The following ARHGAP6 variants were observed in gnomAD, a reference collection of about 807,000 sequenced individuals.
The protein encoded by ARHGAP6 is rho GTPase-activating protein 6.
A neutral mutation model predicts 55.7 loss-of-function variants in ARHGAP6; 16 were observed. The ratio of observed to expected loss-of-function variants is 0.29; its 90% CI spans 0.19 to 0.44. ARHGAP6 has a LOEUF of 0.44. Ranked by LOEUF, ARHGAP6 falls within the 20% of genes least tolerant of loss-of-function variation. ARHGAP6 has a pLI of 1.00. For synonymous variants in ARHGAP6, 382 were observed against 360.9 expected (o/e 1.06, Z -0.66); for missense variants, 698 against 808.9 (o/e 0.86, Z 1.66).
At chrX:11,639,309 C>G (rs150362828) in intron 1 of ARHGAP6, among the ~76,000 whole-genome samples, 1,311 of 110,789 alleles carry the variant, frequency 0.012, 7 homozygotes, top group Non-Finnish European at 0.019. Flanking sequence ...GTTTGCTGCA[C>G]CCATCAACTT....
At chrX:11,277,284 T>C (rs2047785313) in intron 1 of ARHGAP6, among the ~76,000 whole-genome samples, 2 of 111,572 alleles carry the variant, frequency 1.8e-5, no homozygotes, top group African/African-American at 3.3e-5. Context: ...CTTCAGTTGA[T>C]GGGCATTTGG....
chrX:11,560,887 T>C (rs1378491013), intron 1 of ARHGAP6, among the ~76,000 whole-genome samples: 1 of 112,237 alleles, frequency 8.9e-6, no homozygotes, highest in African/African-American at 3.2e-5. Flanking sequence ...TACCCATCAA[T>C]CAAATAACAG....
At chrX:11,522,968 C>T (rs766864329) in intron 1 of ARHGAP6, among the ~76,000 whole-genome samples, 7 of 111,465 alleles carry the variant, frequency 6.3e-5, no homozygotes, top group African/African-American at 9.8e-5. Flanking sequence ...TGATGAACAT[C>T]GATGCAAAAA....
chrX:11,146,229 G>C lies in ARHGAP6; in HGVS notation c.1908-1981C>G, dbSNP rs191887116. 1.3e-4 allele frequency among the ~76,000 whole-genome samples: 15 copies of C among 112,507 alleles called. No individual in the cohort carries two copies. In the East Asian group the frequency reaches 3.6e-3, roughly 27 times the overall value. On this transcript the variant is annotated intron_variant, in intron 10 of 12. Transcript: ENST00000337414. Reference sequence around the variant, plus strand: ...GGATCAGAACATTTTGAAGTGAAAGGGGGGTAGGAAGTACCAGTGTAGTGT... The same window carrying C: ...GGATCAGAACATTTTGAAGTGAAAGCGGGGTAGGAAGTACCAGTGTAGTGT...
At chrX:11,474,969 A>G (rs892668391) in intron 1 of ARHGAP6, among the ~76,000 whole-genome samples, 5 of 111,273 alleles carry the variant, frequency 4.5e-5, no homozygotes, top group African/African-American at 1.6e-4. Context: ...GACACAGCAC[A>G]GAAGCCCATA....
At chrX:11,143,717 C>A in intron 11 of ARHGAP6, 1 of 1,096,086 alleles carries the variant, frequency 9.1e-7, no homozygotes, top group South Asian at 2.7e-5. Context: ...GGAGTGGCTC[C>A]TCTGGGCATG....
chrX:11,427,445 C>G, intron 1 of ARHGAP6: 5 of 879,497 alleles, frequency 5.7e-6, no homozygotes, highest in Non-Finnish European at 7.1e-6. Context: ...CCCCCTCAGC[C>G]GTGGACCTGT....
chrX:11,358,896 T>C (rs1487161184), intron 1 of ARHGAP6, among the ~76,000 whole-genome samples: 3 of 112,199 alleles, frequency 2.7e-5, no homozygotes, highest in African/African-American at 9.7e-5. Context: ...ATTGGTTTGG[T>C]ATATTTTATT....
At chrX:11,389,384 C>T (rs1397222160) in intron 1 of ARHGAP6, among the ~76,000 whole-genome samples, 1 of 112,378 alleles carries the variant, frequency 8.9e-6, no homozygotes, top group Non-Finnish European at 1.9e-5. Flanking sequence ...ACAAAAAAGC[C>T]TCTTACAGAA....
chrX:11,562,505 C>T (rs1387348981), intron 1 of ARHGAP6, among the ~76,000 whole-genome samples: 3 of 111,654 alleles, frequency 2.7e-5, no homozygotes, highest in Admixed American at 9.5e-5. Flanking sequence ...GGATTTGTTT[C>T]TTTTAAAAAT....
intron 1 of ARHGAP6, among the ~76,000 whole-genome samples, chrX:11,391,434 G>T (rs775552168): frequency 9.1e-6 from 1 of 109,568 alleles, no homozygotes; most frequent in South Asian, 4.0e-4. Flanking sequence ...TGCACGTTGT[G>T]CACATGTACC....
intron 1 of ARHGAP6, among the ~76,000 whole-genome samples, chrX:11,496,848 A>T (rs999076644): frequency 1.8e-5 from 2 of 112,070 alleles, no homozygotes; most frequent in African/African-American, 3.2e-5. Flanking sequence ...CAATAGAGGA[A>T]TATCCCAGAG....
At chrX:11,311,059 G>A (rs1013518196) in intron 1 of ARHGAP6, among the ~76,000 whole-genome samples, 9 of 111,381 alleles carry the variant, frequency 8.1e-5, no homozygotes, top group Middle Eastern at 4.6e-3. Context: ...TGCCTTTTTC[G>A]CAGGGAAAGG....
chrX:11,175,062 A>C (rs978905412), intron 8 of ARHGAP6, among the ~76,000 whole-genome samples: 2 of 111,596 alleles, frequency 1.8e-5, no homozygotes, highest in South Asian at 7.5e-4. Context: ...TTGATACAAA[A>C]GCCTCCTAAC....
rs1423517668 is a variant in ARHGAP6, at chrX:11,254,572, T to C, written c.724A>G (p.Ser242Gly). The C allele has an allele frequency of 8.3e-7, 1 of 1,207,773 alleles. No homozygotes were observed. The highest frequency in any genetic ancestry group is 1.8e-5 in the South Asian group (1 of 56,570). ...FYQLQQDCDL[S>G]CQITIPKDGQ... ...CCTTTGGGAATGGTGATCTGACAGC[T>C]CAGGTCACAGTCCTGTTGCAACTGA... Residue 242 changes from serine to glycine, a missense_variant, in exon 2 of 13, where the codon AGC becomes GGC. This residue lies in a region of ARHGAP6 where 322 missense variants were observed against 451.1 expected (regional missense o/e 0.71). Coordinates refer to ENST00000337414, the MANE Select transcript of ARHGAP6 (RefSeq NM_013427.3).
intron 1 of ARHGAP6, among the ~76,000 whole-genome samples, chrX:11,443,710 C>G (rs1400882843): frequency 8.9e-6 from 1 of 111,991 alleles, no homozygotes; most frequent in African/African-American, 3.2e-5. Flanking sequence ...GGGTGGATCA[C>G]GAGGTCAGGA....
Position 11,202,799 on chromosome X carries a change from CAAAAAAAAAAAAAAAAAA to C in ARHGAP6, c.749-5821_749-5804del, listed in dbSNP as rs776633959. ...TGGGTGACAGAGCAAGACTCCGTCT[CAAAAAAAAAAAAAAAAAA>C]AAAAAAAAAAAAGAACTGACTGAGT... On this transcript the variant is annotated intron_variant, in intron 2 of 12. Coordinates refer to ENST00000337414, the MANE Select transcript of ARHGAP6 (RefSeq NM_013427.3). Among the ~76,000 whole-genome samples the C allele has an allele frequency of 3.2e-4, 3 of 9,451 alleles. No homozygotes were observed. In the Admixed American group the frequency reaches 6.6e-3, roughly 21 times the overall value. 8.2% of individuals were successfully genotyped at this position (9,451 alleles called of 115,157 possible).
intron 1 of ARHGAP6, among the ~76,000 whole-genome samples, chrX:11,578,860 A>G (rs921179428): frequency 1.8e-5 from 2 of 111,270 alleles, no homozygotes; most frequent in Non-Finnish European, 3.8e-5. Context: ...ATAAAAAAGG[A>G]CGAGTTCATG....
At chrX:11,262,559 C>A in intron 1 of ARHGAP6, among the ~76,000 whole-genome samples, 1 of 111,518 alleles carries the variant, frequency 9.0e-6, no homozygotes. Flanking sequence ...TCCCCAGGGC[C>A]AAACAAGGGG....
Sources: gnomAD v4.1 joint callset for allele counts (sites outside exome capture counted in the v4.1 genomes callset) on GRCh38, gnomAD v4.1.1 for gene constraint, gnomAD v4.1.1 regional missense constraint, MANE v1.5 for transcripts, NCBI Gene and HGNC (gene_info 2026-07-23, HGNC 2026-07-21) for gene names.